Variants in GPR39 observed in about 807,000 individuals in gnomAD.
The protein encoded by GPR39 is G protein-coupled receptor 39.
GPR39 carries 23 observed loss-of-function variants against 18.4 expected under a neutral mutation model. That is an observed-to-expected ratio of 1.25 (90% CI 0.90 to 1.77). GPR39 has a LOEUF of 1.77. GPR39 is among the 40% of genes most tolerant of loss of function. The probability of loss-of-function intolerance (pLI) is 0.00; values close to 1 mark genes in which losing one functional copy is unlikely to be tolerated. For missense variants in GPR39, 647 were observed against 602.4 expected (o/e 1.07, Z -0.78); for synonymous variants, 280 against 257.9 (o/e 1.09, Z -0.82).
chr2:132,423,835 C>G (rs569504140), intron 1 of GPR39, among the ~76,000 whole-genome samples: 11 of 152,290 alleles, frequency 7.2e-5, no homozygotes, highest in African/African-American at 2.4e-4. Context: ...AACACTGTAC[C>G]TCATTCCAGC....
chr2:132,530,189 C>A (rs957714974), intron 1 of GPR39, among the ~76,000 whole-genome samples: 3 of 151,974 alleles, frequency 2.0e-5, no homozygotes, highest in Non-Finnish European at 4.4e-5. Context: ...AACCATGGCA[C>A]AAGAACGATG....
intron 1 of GPR39, among the ~76,000 whole-genome samples, chr2:132,619,980 A>G (rs1681411265): frequency 6.6e-6 from 1 of 151,856 alleles, no homozygotes; most frequent in African/African-American, 2.4e-5. Flanking sequence ...ACCTGCGCAA[A>G]TCTCTGCCCT....
intron 1 of GPR39, among the ~76,000 whole-genome samples, chr2:132,467,124 A>G (rs1208512832): frequency 1.3e-5 from 2 of 152,182 alleles, no homozygotes; most frequent in African/African-American, 4.8e-5. Context: ...TTTGGAGTCA[A>G]AGAGAACCAT....
chr2:132,635,716 T>A (rs1232821604), intron 1 of GPR39, among the ~76,000 whole-genome samples: 1 of 152,166 alleles, frequency 6.6e-6, no homozygotes, highest in African/African-American at 2.4e-5. Flanking sequence ...TGTGTCCCTC[T>A]CAAGTCATAC....
At chr2:132,571,401 A>T (rs1680438379) in intron 1 of GPR39, among the ~76,000 whole-genome samples, 1 of 152,048 alleles carries the variant, frequency 6.6e-6, no homozygotes, top group South Asian at 2.1e-4. Flanking sequence ...ATTTTTAAAA[A>T]CTCTGTAATC....
intron 1 of GPR39, among the ~76,000 whole-genome samples, chr2:132,573,589 A>G (rs1045669586): frequency 1.3e-5 from 2 of 152,142 alleles, no homozygotes; most frequent in East Asian, 1.9e-4. Flanking sequence ...AGTGGGAACA[A>G]TTCCTGGATG....
intron 1 of GPR39, among the ~76,000 whole-genome samples, chr2:132,580,803 A>G (rs889947894): frequency 6.6e-6 from 1 of 151,876 alleles, no homozygotes; most frequent in Admixed American, 6.6e-5. Context: ...CTCTGCTAAA[A>G]TTATAAAAAT....
chr2:132,503,373 G>C (rs1679081542), intron 1 of GPR39, among the ~76,000 whole-genome samples: 1 of 152,176 alleles, frequency 6.6e-6, no homozygotes. Flanking sequence ...GAGCTACTGG[G>C]CTCCTGGCTG....
Position 132,646,514 on chromosome 2 carries a change from C to T in GPR39, c.*908C>T, listed in dbSNP as rs1306965656. On this transcript the variant is annotated 3_prime_UTR_variant, in exon 2 of 2. Transcript: ENST00000329321. ...CTGTTCCAAAAGCGATTTGAGATGCCAATACCTGTGAATACCTGTTAATAA... is the reference window on the plus strand; with the variant it reads ...CTGTTCCAAAAGCGATTTGAGATGCTAATACCTGTGAATACCTGTTAATAA... 3 of 390,676 alleles carry T rather than the reference C, an allele frequency of 7.7e-6. No individual in the cohort carries two copies. Among genetic ancestry groups the T allele is most frequent in the Admixed American group, 8.9e-5 (2 of 22,442 alleles). 24.2% of individuals were successfully genotyped at this position (390,676 alleles called of 1,614,324 possible). A position where few individuals can be genotyped will look rare whatever the true frequency, so the allele number is the denominator to read the frequency against.
intron 1 of GPR39, among the ~76,000 whole-genome samples, chr2:132,529,853 A>G (rs1679580004): frequency 6.6e-6 from 1 of 152,186 alleles, no homozygotes; most frequent in Non-Finnish European, 1.5e-5. Context: ...CCCCATCTGT[A>G]TGTCACCATC....
intron 1 of GPR39, among the ~76,000 whole-genome samples, chr2:132,506,340 TC>T: frequency 6.6e-6 from 1 of 152,290 alleles, no homozygotes; most frequent in East Asian, 1.9e-4. Flanking sequence ...TATTATTTTT[TC>T]CATTCAACAG....
intron 1 of GPR39, among the ~76,000 whole-genome samples, chr2:132,591,274 A>C (rs1459055681): frequency 4.9e-5 from 6 of 122,582 alleles, no homozygotes; most frequent in African/African-American, 7.7e-5. Context: ...AAAAAAAAAA[A>C]AAACAAAAAA....
At chr2:132,418,220 A>G (rs1037317882) in intron 1 of GPR39, among the ~76,000 whole-genome samples, 1 of 152,204 alleles carries the variant, frequency 6.6e-6, no homozygotes, top group East Asian at 1.9e-4. Flanking sequence ...GGACAATAAT[A>G]CTAGAGAATA....
Position 132,417,062 on chromosome 2 carries a change from CG to C in GPR39, c.23del (p.Gly8AlafsTer31), listed in dbSNP as rs772529034. 3 of 1,613,940 alleles carry C rather than the reference CG, an allele frequency of 1.9e-6. No homozygotes were observed. In the South Asian group the frequency reaches 3.3e-5, roughly 18 times the overall value. On this transcript the variant is annotated frameshift_variant, in exon 1 of 2. Coordinates refer to ENST00000329321, the MANE Select transcript of GPR39 (RefSeq NM_001508.3). LOFTEE classifies it high-confidence loss of function. MASPSLPGSDCSQIIDH... is the reference protein window; with the variant it reads MASPSLXGSDCSQIIDH... Reference sequence around the variant, plus strand: ...TTTCTCATGGCTTCACCCAGCCTCCCGGGCAGTGACTGCTCCCAAATCATTG... The same window carrying C: ...TTTCTCATGGCTTCACCCAGCCTCCCGGCAGTGACTGCTCCCAAATCATTG...
In GPR39 at chr2:132,431,156, G is replaced by T. The variant is rs374104521; in HGVS notation, c.856+13258G>T. 5.9e-5 allele frequency among the ~76,000 whole-genome samples: 9 copies of T among 152,312 alleles called. No individual in the cohort carries two copies. In the East Asian group the frequency reaches 1.2e-3, roughly 20 times the overall value. On this transcript the variant is annotated intron_variant, in intron 1 of 1. Transcript: ENST00000329321. The stretch of plus-strand genomic sequence containing the variant: ...TCACTCACTGACCAAGTATCAGGTT[G>T]TGGCTGCTCATTACCATGAAATCAG...
chr2:132,506,286 T>A (rs1044501055), intron 1 of GPR39, among the ~76,000 whole-genome samples: 2 of 152,228 alleles, frequency 1.3e-5, no homozygotes, highest in African/African-American at 4.8e-5. Context: ...GAGTTCTTTT[T>A]ATATTCTGAA....
At chr2:132,421,764 C>G (rs1288519610) in intron 1 of GPR39, among the ~76,000 whole-genome samples, 1 of 152,044 alleles carries the variant, frequency 6.6e-6, no homozygotes, top group Non-Finnish European at 1.5e-5. Context: ...AGCTCAGAAT[C>G]ACATCCTCTG....
At chr2:132,644,841 A>G in intron 1 of GPR39, 1 of 445,720 alleles carries the variant, frequency 2.2e-6, no homozygotes, top group East Asian at 3.7e-5. Context: ...ACAGACATCA[A>G]CTGGTATAAA....
At chr2:132,456,175 A>G (rs1320067188) in intron 1 of GPR39, among the ~76,000 whole-genome samples, 1 of 152,072 alleles carries the variant, frequency 6.6e-6, no homozygotes, top group Admixed American at 6.6e-5. Flanking sequence ...TTGGGTGGAT[A>G]TATATTTAGG....
Sources: allele counts gnomAD v4.1 joint callset (sites outside exome capture counted in the v4.1 genomes callset), GRCh38; gene constraint gnomAD v4.1.1; transcripts MANE v1.5; gene names NCBI Gene and HGNC (gene_info 2026-07-23, HGNC 2026-07-21).